The following SEMA3A variants were observed in gnomAD, a reference collection of about 807,000 sequenced individuals.
The protein encoded by SEMA3A is semaphorin-3A.
Under a neutral mutation model 97.9 loss-of-function variants are expected in SEMA3A, and 29 were observed. The observed-to-expected ratio is 0.30, with a 90% CI of 0.22 to 0.40. The LOEUF (loss-of-function observed/expected upper bound fraction) is 0.40, where lower values mean the gene tolerates loss of function less well. Among genes scored for constraint, SEMA3A ranks in the 10% least tolerant of loss-of-function variants. SEMA3A has a pLI of 1.00. For missense variants in SEMA3A, 763 were observed against 951.3 expected (o/e 0.80, Z 2.60); for synonymous variants, 321 against 323.7 (o/e 0.99, Z 0.09).
At chr7:84,451,993 A>T (rs1271589853) in intron 1 of SEMA3A, among the ~76,000 whole-genome samples, 1 of 152,150 alleles carries the variant, frequency 6.6e-6, no homozygotes, top group Admixed American at 6.5e-5. Flanking sequence ...TTAATCTATA[A>T]GTGAATTTAG....
At chr7:84,472,004 C>T (rs549298369) in intron 1 of SEMA3A, among the ~76,000 whole-genome samples, 1 of 151,604 alleles carries the variant, frequency 6.6e-6, no homozygotes, top group African/African-American at 2.4e-5. Context: ...TGATCGCTAA[C>T]CAAATTTAAT....
chr7:84,402,772 A>G (rs866854212), intron 1 of SEMA3A, among the ~76,000 whole-genome samples: 17 of 152,218 alleles, frequency 1.1e-4, no homozygotes, highest in African/African-American at 4.1e-4. Flanking sequence ...AGTAACATAC[A>G]ACAAAGTAGA....
intron 2 of SEMA3A, among the ~76,000 whole-genome samples, chr7:84,324,435 G>A (rs1416200235): frequency 2.6e-5 from 4 of 152,098 alleles, no homozygotes; most frequent in African/African-American, 7.2e-5. Context: ...AATTGGCTTT[G>A]GAATTCCATC....
chr7:84,081,144 C>G (rs1346634085), intron 4 of SEMA3A, among the ~76,000 whole-genome samples: 3 of 151,904 alleles, frequency 2.0e-5, no homozygotes, highest in Non-Finnish European at 4.4e-5. Flanking sequence ...TGTTTATTAT[C>G]TATGTAGCTA....
intron 3 of SEMA3A, among the ~76,000 whole-genome samples, chr7:84,279,427 T>G (rs1245841400): frequency 2.1e-5 from 3 of 146,216 alleles, no homozygotes; most frequent in Non-Finnish European, 4.5e-5. Flanking sequence ...TGAGGAACAT[T>G]CTACAAAATC....
At chr7:84,357,512 C>T (rs1220490610) in intron 2 of SEMA3A, among the ~76,000 whole-genome samples, 2 of 152,104 alleles carry the variant, frequency 1.3e-5, no homozygotes. Context: ...ATATGTGCCA[C>T]ATTTTCTTAA....
At chr7:84,208,808 G>A (rs1249902529) in intron 3 of SEMA3A, among the ~76,000 whole-genome samples, 3 of 152,064 alleles carry the variant, frequency 2.0e-5, no homozygotes, top group African/African-American at 7.2e-5. Context: ...AGTGATAAAG[G>A]CTAGTTTCAG....
At chr7:84,098,023 A>C (rs1167645291) in intron 4 of SEMA3A, among the ~76,000 whole-genome samples, 5 of 152,096 alleles carry the variant, frequency 3.3e-5, no homozygotes, top group African/African-American at 1.2e-4. Flanking sequence ...GATAGCTTGA[A>C]AAGGCCCATT....
At chr7:84,285,450 TTAA>T (rs1400434455) in intron 3 of SEMA3A, among the ~76,000 whole-genome samples, 2 of 152,170 alleles carry the variant, frequency 1.3e-5, no homozygotes, top group Admixed American at 1.3e-4. Flanking sequence ...GCAGTAGGAA[TTAA>T]TAAATCTCTA....
chr7:84,359,205 C>T (rs568139503), intron 2 of SEMA3A, among the ~76,000 whole-genome samples: 1 of 152,206 alleles, frequency 6.6e-6, no homozygotes, highest in East Asian at 1.9e-4. Flanking sequence ...GAGGGCATCC[C>T]TGTCTTGTGC....
intron 2 of SEMA3A, among the ~76,000 whole-genome samples, chr7:84,350,425 A>C (rs1295997387): frequency 2.6e-5 from 4 of 152,156 alleles, no homozygotes; most frequent in African/African-American, 9.7e-5. Context: ...TAATTGAATA[A>C]AAGTTTTATA....
rs1423521163 is a variant in SEMA3A, at chr7:84,477,062, T to TA, written c.-246+15397dup. ...GGTAGAGTATATGCCATGTGTTTGT[T>TA]AAAAAAAAAAAATATATATATATAT... On this transcript the variant is annotated intron_variant, in intron 1 of 3. Transcript: ENST00000424555. Among the ~76,000 whole-genome samples, 657 of 127,414 alleles carry TA rather than the reference T, an allele frequency of 5.2e-3. 5 individuals carry two copies. Among genetic ancestry groups the TA allele is most frequent in the East Asian group, 0.013 (49 of 3,906 alleles). The allele number at this position is 127,414 out of a possible 152,430, so 83.6% of individuals were successfully genotyped here.
intron 2 of SEMA3A, among the ~76,000 whole-genome samples, chr7:84,319,839 A>T (rs928886858): frequency 1.3e-4 from 20 of 152,194 alleles, no homozygotes; most frequent in Admixed American, 6.5e-4. Flanking sequence ...GCTAAATCAC[A>T]AATTTGTGTT....
chr7:84,298,734 C>A (rs528147954), intron 3 of SEMA3A, among the ~76,000 whole-genome samples: 1 of 152,286 alleles, frequency 6.6e-6, no homozygotes, highest in East Asian at 1.9e-4. Flanking sequence ...TGAGGGTCAA[C>A]TTGATTGGCT....
intron 3 of SEMA3A, among the ~76,000 whole-genome samples, chr7:84,118,050 C>T (rs566220449): frequency 6.6e-6 from 1 of 152,246 alleles, no homozygotes; most frequent in South Asian, 2.1e-4. Context: ...CCAATTACGA[C>T]AAGAGCTCCA....
chr7:84,296,679 G>T (rs1423935811), intron 3 of SEMA3A, among the ~76,000 whole-genome samples: 1 of 152,050 alleles, frequency 6.6e-6, no homozygotes, highest in Admixed American at 6.6e-5. Flanking sequence ...GATTGCATAT[G>T]CTTTTATTTT....
intron 4 of SEMA3A, among the ~76,000 whole-genome samples, chr7:84,068,276 G>T (rs1157538146): frequency 1.4e-5 from 2 of 146,218 alleles, no homozygotes; most frequent in Admixed American, 1.4e-4. Context: ...ACTGTTGTGG[G>T]GTGGGGTGAG....
intron 4 of SEMA3A, among the ~76,000 whole-genome samples, chr7:84,086,206 G>A (rs1246368819): frequency 6.6e-6 from 1 of 151,598 alleles, no homozygotes; most frequent in Non-Finnish European, 1.5e-5. Context: ...CACTCTCCCT[G>A]GTACATGCAT....
intron 3 of SEMA3A, among the ~76,000 whole-genome samples, chr7:84,292,322 G>T (rs1036125637): frequency 5.3e-5 from 8 of 151,708 alleles, no homozygotes; most frequent in African/African-American, 1.7e-4. Flanking sequence ...ACTTACTATG[G>T]CACATGGTTT....
Sources: gnomAD v4.1 joint callset for allele counts (sites outside exome capture counted in the v4.1 genomes callset) on GRCh38, gnomAD v4.1.1 for gene constraint, MANE v1.5 for transcripts, NCBI Gene and HGNC (gene_info 2026-07-23, HGNC 2026-07-21) for gene names.